The following STK33 variants were observed in gnomAD, a reference collection of about 807,000 sequenced individuals.
The protein encoded by STK33 is serine/threonine-protein kinase 33.
Under a neutral mutation model 58.0 loss-of-function variants are expected in STK33, and 52 were observed. The observed-to-expected ratio is 0.90, with a 90% CI of 0.72 to 1.13. The LOEUF (loss-of-function observed/expected upper bound fraction) is 1.13, where lower values mean the gene tolerates loss of function less well. Ranked by LOEUF, STK33 falls within the 50% of genes most tolerant of loss-of-function variation. The probability of loss-of-function intolerance (pLI) is 0.00; values close to 1 mark genes in which losing one functional copy is unlikely to be tolerated. For missense variants in STK33, 630 were observed against 604.2 expected, an observed-to-expected ratio of 1.04 and a Z score of -0.45; for synonymous variants, 215 against 200.1, an observed-to-expected ratio of 1.07 and a Z score of -0.63.
chr11:8,556,851 A>T (rs1380590541), intron 1 of STK33, among the ~76,000 whole-genome samples: 1 of 152,224 alleles, frequency 6.6e-6, no homozygotes, highest in Non-Finnish European at 1.5e-5. Context: ...TGAAGAATGA[A>T]TGAATGAAGA....
intron 1 of STK33, among the ~76,000 whole-genome samples, chr11:8,515,198 T>C (rs186429617): frequency 1.3e-5 from 2 of 152,052 alleles, no homozygotes; most frequent in Non-Finnish European, 1.5e-5. Context: ...AAAAAGAGAA[T>C]ACTCAAATAA....
At chr11:8,565,228 G>T (rs528982404) in intron 1 of STK33, among the ~76,000 whole-genome samples, 1 of 151,986 alleles carries the variant, frequency 6.6e-6, no homozygotes, top group East Asian at 1.9e-4. Flanking sequence ...CTACATGGAG[G>T]ATATAGGTTT....
intron 15 of STK33, among the ~76,000 whole-genome samples, chr11:8,399,652 AC>A (rs1850027467): frequency 6.6e-6 from 1 of 152,188 alleles, no homozygotes; most frequent in Non-Finnish European, 1.5e-5. Flanking sequence ...ACACAAAAAA[AC>A]CCTTCAAAAA....
At chr11:8,536,778 G>GT (rs1955037024) in intron 1 of STK33, among the ~76,000 whole-genome samples, 1 of 149,706 alleles carries the variant, frequency 6.7e-6, no homozygotes, top group Admixed American at 6.7e-5. Context: ...TTTATTTGTT[G>GT]TTTGTTTGTT....
At chr11:8,488,803 G>T (rs1950366959) in intron 1 of STK33, among the ~76,000 whole-genome samples, 3 of 152,140 alleles carry the variant, frequency 2.0e-5, no homozygotes, top group South Asian at 4.2e-4. Flanking sequence ...AAAAAATTAT[G>T]AGATATGGGA....
the STK33 span, among the ~76,000 whole-genome samples, chr11:8,336,365 G>A: frequency 6.6e-6 from 1 of 152,358 alleles, no homozygotes; most frequent in African/African-American, 2.4e-5. Context: ...ATAAAGCCTT[G>A]AGTGAGGAAT....
the STK33 span, among the ~76,000 whole-genome samples, chr11:8,351,195 A>G: frequency 1.3e-5 from 2 of 152,236 alleles, no homozygotes; most frequent in South Asian, 2.1e-4. Context: ...TAGTCCTGAC[A>G]ATTCTACTAA....
At chr11:8,363,184 T>G in the STK33 span, among the ~76,000 whole-genome samples, 1 of 151,990 alleles carries the variant, frequency 6.6e-6, no homozygotes, top group South Asian at 2.1e-4. Flanking sequence ...GCCGGATTAC[T>G]GGGGGCGGGC....
At position 8,579,734 on chromosome 11, in the gene STK33, C is replaced by T. The variant is rs549135110; in HGVS notation, c.-466+14349G>A. ...TCATCAAGTATGCTACTTTCCCTCA[C>T]CTAAAAGGCTCTTACTTATACAACC... On this transcript the variant is annotated intron_variant, in intron 1 of 15. Transcript: ENST00000687296. Among the ~76,000 whole-genome samples the T allele has an allele frequency of 2.6e-5, 4 of 152,100 alleles. No individual in the cohort carries two copies. In the East Asian group the frequency reaches 7.7e-4, roughly 29 times the overall value.
chr11:8,389,597 A>G (rs150063005), downstream of STK33, among the ~76,000 whole-genome samples: 513 of 152,316 alleles, frequency 3.4e-3, 5 homozygotes, highest in African/African-American at 0.012. Context: ...CTGGGAATGC[A>G]TGTTTAAACA....
intron 1 of STK33, among the ~76,000 whole-genome samples, chr11:8,524,688 T>A (rs1953876674): frequency 6.6e-6 from 1 of 152,128 alleles, no homozygotes; most frequent in South Asian, 2.1e-4. Flanking sequence ...TTCACTCTTA[T>A]TTAAATCAAT....
At chr11:8,473,013 G>T in intron 6 of STK33, 150 bp downstream of exon 6, 1 of 535,558 alleles carries the variant, frequency 1.9e-6, no homozygotes, top group Non-Finnish European at 3.3e-6. Flanking sequence ...ATTTTCTTTA[G>T]TAAAAATGTT....
intron 14 of STK33, among the ~76,000 whole-genome samples, chr11:8,434,597 G>A (rs550236911): frequency 7.2e-6 from 1 of 139,854 alleles, no homozygotes; most frequent in South Asian, 2.5e-4. Context: ...GGTAGGCAGT[G>A]AAGGATTCAC....
chr11:8,516,252 T>G (rs1185379123), intron 1 of STK33, among the ~76,000 whole-genome samples: 1 of 152,134 alleles, frequency 6.6e-6, no homozygotes, highest in Non-Finnish European at 1.5e-5. Context: ...AATAAACCCA[T>G]GCATATATAG....
chr11:8,514,172 G>A (rs891921408), intron 1 of STK33, among the ~76,000 whole-genome samples: 4 of 152,134 alleles, frequency 2.6e-5, no homozygotes, highest in South Asian at 4.1e-4. Context: ...TGGCTGAATA[G>A]TACTCCATTG....
the STK33 span, among the ~76,000 whole-genome samples, chr11:8,368,345 C>G: frequency 1.3e-5 from 2 of 152,192 alleles, no homozygotes; most frequent in Non-Finnish European, 2.9e-5. Flanking sequence ...TGCTGCCTGT[C>G]CCATGCACGA....
At chr11:8,437,459 T>C (rs540038590) in intron 12 of STK33, among the ~76,000 whole-genome samples, 40 of 152,328 alleles carry the variant, frequency 2.6e-4, no homozygotes, top group African/African-American at 8.9e-4. Context: ...ACCAGACAGA[T>C]GTAATTAGAT....
At chr11:8,511,085 G>C (rs1025097373) in intron 1 of STK33, among the ~76,000 whole-genome samples, 1 of 152,082 alleles carries the variant, frequency 6.6e-6, no homozygotes, top group African/African-American at 2.4e-5. Context: ...TTGGCAGTAT[G>C]GTCATTTTCA....
chr11:8,354,516 A>ACACACACACACACCCC, the STK33 span, among the ~76,000 whole-genome samples: 1 of 127,658 alleles, frequency 7.8e-6, no homozygotes, highest in African/African-American at 2.8e-5. Context: ...ACACACACAC[A>ACACACACACACACCCC]CCCCTCAGAC....
Sources: gnomAD v4.1 joint callset for allele counts (sites outside exome capture counted in the v4.1 genomes callset) on GRCh38, gnomAD v4.1.1 for gene constraint, MANE v1.5 for transcripts, NCBI Gene and HGNC (gene_info 2026-07-23, HGNC 2026-07-21) for gene names.